The following HDGFL2 variants were observed in gnomAD, a reference collection of about 807,000 sequenced individuals.
HDGFL2 encodes HDGF like 2.
Under a neutral mutation model 77.1 loss-of-function variants are expected in HDGFL2, and 36 were observed. The observed-to-expected ratio is 0.47, with a 90% CI of 0.36 to 0.62. The LOEUF is 0.62. Ranked by LOEUF, HDGFL2 falls within the 20% of genes least tolerant of loss-of-function variation. The probability of loss-of-function intolerance (pLI) is 0.00; values close to 1 mark genes in which losing one functional copy is unlikely to be tolerated. For missense variants in HDGFL2, 976 were observed against 973.4 expected, an observed-to-expected ratio of 1.00 and a Z score of -0.04; for synonymous variants, 463 against 413.1, an observed-to-expected ratio of 1.12 and a Z score of -1.46.
intron 3 of HDGFL2, among the ~76,000 whole-genome samples, chr19:4,482,835 C>G (rs1319356210): frequency 1.3e-5 from 2 of 152,176 alleles, no homozygotes; most frequent in African/African-American, 4.8e-5. Context: ...AGTCCTATAA[C>G]TGCCGGTGGC....
chr19:4,474,903 C>A (rs916471741), intron 1 of HDGFL2: 11 of 159,090 alleles, frequency 6.9e-5, no homozygotes, highest in Admixed American at 3.3e-4. Context: ...CAGCTGCATC[C>A]TCTGGGGGAC....
At position 4,491,808 on chromosome 19, in the gene HDGFL2, G is replaced by T; in HGVS notation, c.651G>T (p.Arg217Ser). Residue 217 changes from arginine (R) to serine (S), a missense_variant, in exon 6 of 16, where the codon AGG becomes AGT. By Grantham distance (110) the Arg-to-Ser change is moderately radical. Around this residue, in one of 5 missense-constraint regions of HDGFL2, gnomAD observed 567 missense variants for 534.7 expected, o/e 1.06. Coordinates refer to ENST00000616600, the MANE Select transcript of HDGFL2 (RefSeq NM_001001520.3). ...EKKAAVRAPR[R>S]GPLGGRKKKK... is the part of the protein sequence containing the mutation. Reference sequence around the variant, plus strand: ...AAGCAGCGGTCCGGGCGCCACGGAGGGGCCCTCTGGGGGGACGGAAAAAAA... The same window carrying T: ...AAGCAGCGGTCCGGGCGCCACGGAGTGGCCCTCTGGGGGGACGGAAAAAAA... 1 of 1,614,010 alleles carries T rather than the reference G, an allele frequency of 6.2e-7. No individual in the cohort carries two copies. Among genetic ancestry groups the T allele is most frequent in the Non-Finnish European group, 8.5e-7 (1 of 1,180,024 alleles).
At chr19:4,488,057 A>T (rs1191630732) in intron 3 of HDGFL2, among the ~76,000 whole-genome samples, 2 of 151,252 alleles carry the variant, frequency 1.3e-5, no homozygotes, top group African/African-American at 4.9e-5. Context: ...TGCAACCTCC[A>T]CCTCGTGGGT....
At chr19:4,498,487 G>A (rs941434888) in intron 12 of HDGFL2, 111 bp downstream of exon 12, 5 of 861,694 alleles carry the variant, frequency 5.8e-6, no homozygotes, top group Non-Finnish European at 7.5e-6. Flanking sequence ...CAGTTGGGTG[G>A]GCCAGGAGTC....
intron 3 of HDGFL2, among the ~76,000 whole-genome samples, chr19:4,482,991 G>T (rs969806628): frequency 1.3e-5 from 2 of 152,108 alleles, no homozygotes; most frequent in African/African-American, 4.8e-5. Context: ...CACCCCCAGC[G>T]CTTGTCTCCT....
At chr19:4,498,686 G>A (rs1297776937) in intron 12 of HDGFL2, 128 bp from the exon 13 acceptor site, 5 of 657,262 alleles carry the variant, frequency 7.6e-6, no homozygotes, top group Non-Finnish European at 1.1e-5. Context: ...GGGGCTGAGG[G>A]GAGCTGTTCT....
intron 10 of HDGFL2, chr19:4,497,455 C>CTGTAAT (rs1975735897): frequency 1.0e-5 from 3 of 295,248 alleles, no homozygotes; most frequent in Non-Finnish European, 2.0e-5. Flanking sequence ...CCTCGGCCTC[C>CTGTAAT]CAAAGTGCTG....
rs1438118586 is a variant in HDGFL2 at position 4,472,317 on chromosome 19, C to T, written c.-34C>T. On this transcript the variant is annotated 5_prime_UTR_variant, in exon 1 of 16. Transcript: ENST00000616600. ...GCCGCAGCCGCTACCGCCGCTGCAGCCGCTTTCCGCGGCCTGGGCCTCTCG... is the reference window on the plus strand; with the variant it reads ...GCCGCAGCCGCTACCGCCGCTGCAGTCGCTTTCCGCGGCCTGGGCCTCTCG... 2.0e-6 allele frequency: 3 copies of T among 1,465,774 alleles called. No individual in the cohort carries two copies. Among genetic ancestry groups the T allele is most frequent in the Non-Finnish European group, 2.7e-6 (3 of 1,106,898 alleles). The allele number at this position is 1,465,774 out of a possible 1,614,324, so 90.8% of individuals were successfully genotyped here. A position where few individuals can be genotyped will look rare whatever the true frequency, so the allele number is the denominator to read the frequency against.
chr19:4,484,812 C>T (rs1568208046), intron 3 of HDGFL2, among the ~76,000 whole-genome samples: 1 of 151,778 alleles, frequency 6.6e-6, no homozygotes. Flanking sequence ...GCTGGGACTA[C>T]AGGCACCCGC....
chr19:4,499,380 T>C, intron 13 of HDGFL2, 111 bp from the exon 14 acceptor site: 1 of 847,302 alleles, frequency 1.2e-6, no homozygotes, highest in South Asian at 1.7e-5. Flanking sequence ...TGCACAGAGC[T>C]GTGCTCCCGG....
In HDGFL2 at chr19:4,494,239, C is replaced by A. The variant is rs763418266; in HGVS notation, c.988C>A (p.Arg330=). ...DEARRRELEA[R]RRREQEEELR... ...GGCGCGGAGGCGCGAGCTGGAGGCC[C>A]GGCGGCGGCGAGAGCAGGAGGAGGA... The change falls in exon 9 of 16, where the codon CGG becomes AGG. Residue 330 remains arginine, a synonymous_variant. Coordinates refer to ENST00000616600, the MANE Select transcript of HDGFL2 (RefSeq NM_001001520.3). The A allele has an allele frequency of 3.3e-4, 483 of 1,459,266 alleles. No individual in the cohort carries two copies. Among genetic ancestry groups the A allele is most frequent in the Non-Finnish European group, 4.0e-4 (445 of 1,109,234 alleles). The allele number at this position is 1,459,266 out of a possible 1,614,324, so 90.4% of individuals were successfully genotyped here. A position where few individuals can be genotyped will look rare whatever the true frequency, so the allele number is the denominator to read the frequency against.
Position 4,498,335 on chromosome 19 carries a change from C to G in HDGFL2, c.1432C>G (p.Leu478Val), listed in dbSNP as rs1265080375. The G allele has an allele frequency of 6.2e-6, 10 of 1,613,754 alleles. No individual in the cohort carries two copies. Among genetic ancestry groups the G allele is most frequent in the Non-Finnish European group, 7.6e-6 (9 of 1,179,968 alleles). The change falls in exon 12 of 16, where the codon CTG becomes GTG. Residue 478 changes from leucine (L) to valine (V), a missense_variant. Physicochemically the swap from Leu to Val is conservative, Grantham distance 32 (BLOSUM62 1). Transcript: ENST00000616600. ...CTCCGTGGAGGAGAAGCTGCAGAAG[C>G]TGCACAGTGAGATCAAGTTTGCCCT... ...EPSVEEKLQKLHSEIKFALKV... is the reference protein window; with the variant it reads ...EPSVEEKLQKVHSEIKFALKV...
At chr19:4,496,606 C>T (rs1040511216) in intron 10 of HDGFL2, among the ~76,000 whole-genome samples, 2 of 152,148 alleles carry the variant, frequency 1.3e-5, no homozygotes, top group Non-Finnish European at 2.9e-5. Flanking sequence ...CCAGGGGTCT[C>T]CTCCAGGGCG....
At chr19:4,492,133 A>C (rs972325806) in intron 6 of HDGFL2, among the ~76,000 whole-genome samples, 1 of 152,166 alleles carries the variant, frequency 6.6e-6, no homozygotes, top group Non-Finnish European at 1.5e-5. Flanking sequence ...CGCGAGAGGG[A>C]CACAGAAGAG....
chr19:4,493,088 A>ATGTG (rs1975580334), intron 6 of HDGFL2, among the ~76,000 whole-genome samples: 3 of 12,934 alleles, frequency 2.3e-4, no homozygotes, highest in Non-Finnish European at 2.9e-4. Context: ...TGTGTGTGTT[A>ATGTG]TCTGTGTGGT....
chr19:4,499,629 G>A lies in HDGFL2; in HGVS notation c.1714G>A (p.Glu572Lys), dbSNP rs766090029. Residue 572 changes from glutamate (E) to lysine (K), a missense_variant, in exon 14 of 16, where the codon GAG becomes AAG. Transcript: ENST00000616600. ...GGCTGGGATGGAGAAGGAGAAGGCCGAGGAGAAGCTGGCCGGGGAGGAGCT... is the reference window on the plus strand; with the variant it reads ...GGCTGGGATGGAGAAGGAGAAGGCCAAGGAGAAGCTGGCCGGGGAGGAGCT... ...NKAGMEKEKA[E>K]EKLAGEELAG... 6.9e-6 allele frequency: 11 copies of A among 1,596,108 alleles called. No homozygotes were observed. Among genetic ancestry groups the A allele is most frequent in the African/African-American group, 2.7e-5 (2 of 74,798 alleles).
At chr19:4,487,066 A>G (rs1975381370) in intron 3 of HDGFL2, among the ~76,000 whole-genome samples, 1 of 151,888 alleles carries the variant, frequency 6.6e-6, no homozygotes, top group African/African-American at 2.4e-5. Flanking sequence ...CCTGGGTTCA[A>G]GCAATTCTCT....
At chr19:4,480,185 T>A (rs990573758) in intron 3 of HDGFL2, among the ~76,000 whole-genome samples, 1 of 152,022 alleles carries the variant, frequency 6.6e-6, no homozygotes, top group Non-Finnish European at 1.5e-5. Context: ...GGATCCCACC[T>A]AATACATCCT....
chr19:4,483,753 T>C (rs1037679882), intron 3 of HDGFL2, among the ~76,000 whole-genome samples: 4 of 150,642 alleles, frequency 2.7e-5, no homozygotes, highest in Non-Finnish European at 2.9e-5. Flanking sequence ...ATTTTGGTCA[T>C]CACACCAGGA....
Sources: gnomAD v4.1 joint callset for allele counts (sites outside exome capture counted in the v4.1 genomes callset) on GRCh38, gnomAD v4.1.1 for gene constraint, gnomAD v4.1.1 regional missense constraint, MANE v1.5 for transcripts, NCBI Gene and HGNC (gene_info 2026-07-23, HGNC 2026-07-21) for gene names.